Variants in HDAC7 observed in about 807,000 individuals in gnomAD.
The protein encoded by HDAC7 is histone deacetylase 7A.
Under a neutral mutation model 115.5 loss-of-function variants are expected in HDAC7, and 26 were observed. The observed-to-expected ratio is 0.23, with a 90% CI of 0.16 to 0.31. HDAC7 has a LOEUF of 0.31. Among genes scored for constraint, HDAC7 ranks in the 10% least tolerant of loss-of-function variants. The pLI, the probability that HDAC7 is intolerant of heterozygous loss-of-function variation, is 1.00. For synonymous variants in HDAC7, 564 were observed against 550.9 expected (o/e 1.02, Z -0.33); for missense variants, 1,068 against 1,329.0 (o/e 0.80, Z 3.05).
At chr12:47,811,888 T>C (rs962453964) in intron 1 of HDAC7, among the ~76,000 whole-genome samples, 16 of 152,254 alleles carry the variant, frequency 1.1e-4, no homozygotes, top group African/African-American at 3.6e-4. Flanking sequence ...ACTTACTTAA[T>C]GAATGCCTTC....
In HDAC7 at chr12:47,789,545, G is replaced by A; in HGVS notation, c.2125C>T (p.His709Tyr). The A allele has an allele frequency of 6.2e-7, 1 of 1,614,196 alleles. No individual in the cohort carries two copies. The highest frequency in any genetic ancestry group is 1.3e-5 in the African/African-American group (1 of 75,064). Reference protein sequence around the residue: ...GFAVVRPPGHHADHSTAMGFC... With the variant: ...GFAVVRPPGHYADHSTAMGFC... ...TACATGGCTGTTGAATGATCTGCAT[G>A]GTGTCCTGGGGGCCGCACCACAGCG... The change falls in exon 18 of 26, where the codon CAT becomes TAT. Residue 709 changes from histidine to tyrosine, a missense_variant. His to Tyr is a moderately conservative substitution (Grantham distance 83). Around this residue, in one of 6 missense-constraint regions of HDAC7, gnomAD observed 182 missense variants for 301.1 expected, o/e 0.60. Coordinates refer to ENST00000080059, the MANE Select transcript of HDAC7 (RefSeq NM_015401.5).
intron 7 of HDAC7, among the ~76,000 whole-genome samples, chr12:47,796,638 G>C (rs895785603): frequency 6.6e-6 from 1 of 152,104 alleles, no homozygotes; most frequent in East Asian, 1.9e-4. Flanking sequence ...TGTCCAGGCT[G>C]GTCTCAAACT....
chr12:47,807,517 T>C (rs1944454644), intron 1 of HDAC7, among the ~76,000 whole-genome samples: 1 of 151,926 alleles, frequency 6.6e-6, no homozygotes, highest in Non-Finnish European at 1.5e-5. Context: ...GCCCAGGCAA[T>C]TGGGCTTCAG....
At chr12:47,785,730 A>AT (rs753829580) in intron 23 of HDAC7, 22 bp downstream of exon 23, 5 of 1,596,038 alleles carry the variant, frequency 3.1e-6, no homozygotes, top group Non-Finnish European at 4.3e-6. Context: ...AGAAGCATGG[A>AT]TGGGGGAGGG....
intron 1 of HDAC7, among the ~76,000 whole-genome samples, chr12:47,804,834 C>A (rs947970029): frequency 1.3e-5 from 2 of 152,158 alleles, no homozygotes; most frequent in South Asian, 4.1e-4. Flanking sequence ...ATTCTAAGCA[C>A]CTGGAACAAA....
At chr12:47,821,281 C>G (rs1945016535), upstream of HDAC7, among the ~76,000 whole-genome samples, 1 of 152,212 alleles carries the variant, frequency 6.6e-6, no homozygotes, top group Non-Finnish European at 1.5e-5. Flanking sequence ...AGATTCTATT[C>G]CCTTCCCTCA....
chr12:47,809,633 C>T (rs1357284798), intron 1 of HDAC7, among the ~76,000 whole-genome samples: 6 of 152,072 alleles, frequency 3.9e-5, no homozygotes, highest in African/African-American at 1.5e-4. Context: ...TACAGTGGCA[C>T]GATCTTGGCT....
chr12:47,782,973 A>G lies in HDAC7; in HGVS notation c.*868T>C, dbSNP rs565859715. ...GCAGCCTCCCCTCCTCCATGTCTGT[A>G]TCTTCTCTCCCACCCCTTCCCCCTC... is the stretch of plus-strand genomic sequence containing the variant. On this transcript the variant is annotated 3_prime_UTR_variant, in exon 26 of 26. Coordinates refer to ENST00000080059, the MANE Select transcript of HDAC7 (RefSeq NM_015401.5). 6.5e-6 allele frequency: 1 copy of G among 152,840 alleles called. No homozygotes were observed. The highest frequency in any genetic ancestry group is 2.1e-4 in the South Asian group (1 of 4,814). The allele number at this position is 152,840 out of a possible 1,614,324, so 9.5% of individuals were successfully genotyped here.
intron 16 of HDAC7, chr12:47,790,890 C>G (rs758183618): frequency 3.1e-6 from 1 of 321,522 alleles, no homozygotes; most frequent in South Asian, 3.8e-5. Flanking sequence ...CTGAGGTACC[C>G]CAACTTGCCA....
chr12:47,790,195 C>A, intron 16 of HDAC7: 1 of 455,486 alleles, frequency 2.2e-6, no homozygotes, highest in Non-Finnish European at 4.1e-6. Context: ...GGGGAGGGGG[C>A]ATGGCGTTAC....
chr12:47,809,306 C>T (rs1395370251), intron 1 of HDAC7, among the ~76,000 whole-genome samples: 1 of 152,212 alleles, frequency 6.6e-6, no homozygotes, highest in African/African-American at 2.4e-5. Flanking sequence ...GCTTTGCCCA[C>T]TGGTTCTGCC....
Position 47,793,336 on chromosome 12 carries a change from T to TCCCTCCCCCCCCCC in HDAC7, c.1678+32_1678+33insGGGGGGGGGGAGGG. The TCCCTCCCCCCCCCC allele has an allele frequency of 1.8e-6, 1 of 546,070 alleles. No individual in the cohort carries two copies. Among genetic ancestry groups the TCCCTCCCCCCCCCC allele is most frequent in the Non-Finnish European group, 3.2e-6 (1 of 316,660 alleles). 33.8% of individuals were successfully genotyped at this position (546,070 alleles called of 1,614,324 possible). On this transcript the variant is annotated intron_variant, in intron 13 of 25. Transcript: ENST00000080059. This position sits in a 1 kb window ranked among gnomAD's most constrained non-coding sequence, Gnocchi z 4.5. ...ACATGGACTCGTGCAGCCGAGCCCC[T>TCCCTCCCCCCCCCC]CCCTCCACCCGCCACCCTCCTCCCG...
chr12:47,784,734 G>C, intron 24 of HDAC7: 1 of 1,535,590 alleles, frequency 6.5e-7, no homozygotes, highest in Non-Finnish European at 8.7e-7. Flanking sequence ...CAGGCCAGGA[G>C]AATGCTCCTC....
At chr12:47,800,551 A>AC (rs1248938143) in intron 2 of HDAC7, among the ~76,000 whole-genome samples, 2 of 152,124 alleles carry the variant, frequency 1.3e-5, no homozygotes, top group Non-Finnish European at 2.9e-5. Context: ...TTGATGCCCC[A>AC]CCCCTTGTTC....
chr12:47,796,387 G>T, intron 7 of HDAC7, 89 bp from the exon 8 acceptor site: 1 of 804,898 alleles, frequency 1.2e-6, no homozygotes, highest in Non-Finnish European at 2.0e-6. Flanking sequence ...AGACCCGGGA[G>T]CACCCCCTTC....
intron 1 of HDAC7, among the ~76,000 whole-genome samples, chr12:47,809,634 G>A (rs868475901): frequency 1.1e-4 from 16 of 151,856 alleles, no homozygotes; most frequent in African/African-American, 1.2e-4. Context: ...ACAGTGGCAC[G>A]ATCTTGGCTC....
intron 24 of HDAC7, 59 bp from the exon 25 acceptor site, chr12:47,784,276 C>G: frequency 6.6e-7 from 1 of 1,523,944 alleles, no homozygotes; most frequent in Non-Finnish European, 8.8e-7. Flanking sequence ...CACACTGCGT[C>G]CTAGACCGGA....
At chr12:47,818,457 C>T (rs889935622) in intron 1 of HDAC7, among the ~76,000 whole-genome samples, 1 of 152,224 alleles carries the variant, frequency 6.6e-6, no homozygotes, top group African/African-American at 2.4e-5. Flanking sequence ...CTTAATAACC[C>T]ATGGGTAGCG....
rs552187211 is a variant in HDAC7, at chr12:47,818,314, T to C, written c.19+1453A>G. 1.4e-3 allele frequency among the ~76,000 whole-genome samples: 208 copies of C among 152,326 alleles called. 8 individuals are homozygous for C. The South Asian group carries it at 0.041, about 30-fold the overall frequency. On this transcript the variant is annotated intron_variant, in intron 1 of 25. Coordinates refer to ENST00000080059, the MANE Select transcript of HDAC7 (RefSeq NM_015401.5). ...TGGGCAAGGAGGGACATCAGGGGACTAAAGGCAGAGGACCAGTCCCAATAG... is the reference window on the plus strand; with the variant it reads ...TGGGCAAGGAGGGACATCAGGGGACCAAAGGCAGAGGACCAGTCCCAATAG...
Sources: allele counts gnomAD v4.1 joint callset (sites outside exome capture counted in the v4.1 genomes callset), GRCh38; gene constraint gnomAD v4.1.1; regional missense constraint gnomAD v4.1.1; non-coding constraint Gnocchi (gnomAD v3.1); transcripts MANE v1.5; gene names NCBI Gene and HGNC (gene_info 2026-07-23, HGNC 2026-07-21).